Variants in MARCHF11 observed in about 807,000 individuals in gnomAD.
MARCHF11 encodes E3 ubiquitin-protein ligase MARCHF11.
MARCHF11 carries 29 observed loss-of-function variants against 37.3 expected under a neutral mutation model. The ratio of observed to expected loss-of-function variants is 0.78; its 90% confidence interval spans 0.58 to 1.06. The LOEUF (loss-of-function observed/expected upper bound fraction) is 1.06, where lower values mean the gene tolerates loss of function less well. MARCHF11 is among the 50% of genes least tolerant of loss of function. MARCHF11 has a pLI of 0.00. For missense variants in MARCHF11, 482 were observed against 533.4 expected, an observed-to-expected ratio of 0.90 and a Z score of 0.95; for synonymous variants, 233 against 228.0, an observed-to-expected ratio of 1.02 and a Z score of -0.20.
chr5:16,124,531 C>T (rs917141604), intron 2 of MARCHF11, among the ~76,000 whole-genome samples: 1 of 152,036 alleles, frequency 6.6e-6, no homozygotes, highest in Admixed American at 6.5e-5. Flanking sequence ...TTCTTCATTA[C>T]CCCAGGAGAA....
At position 16,179,042 on chromosome 5, in the gene MARCHF11, C is replaced by A; in HGVS notation, c.534G>T (p.Glu178Asp). Residue 178 changes from glutamate to aspartate, a missense_variant, in exon 1 of 4, where the codon GAG becomes GAT. Transcript: ENST00000332432. ...PICKICFQGAEQGELLNPCRC... is the reference protein window; with the variant it reads ...PICKICFQGADQGELLNPCRC... Reference sequence around the variant, plus strand: ...TCGGGGTCTCGCCGGGCCTTACCTGCTCCGCGCCCTGGAAGCAGATCTTGC... The same window carrying A: ...TCGGGGTCTCGCCGGGCCTTACCTGATCCGCGCCCTGGAAGCAGATCTTGC... 1.4e-6 allele frequency: 2 copies of A among 1,478,410 alleles called. No homozygotes were observed. The highest frequency in any genetic ancestry group is 1.3e-5 in the South Asian group (1 of 78,930). The allele number at this position is 1,478,410 out of a possible 1,614,324, so 91.6% of individuals were successfully genotyped here. A position where few individuals can be genotyped will look rare whatever the true frequency, so the allele number is the denominator to read the frequency against.
At chr5:16,143,820 A>G (rs1452943720) in intron 2 of MARCHF11, among the ~76,000 whole-genome samples, 1 of 152,222 alleles carries the variant, frequency 6.6e-6, no homozygotes, top group Admixed American at 6.5e-5. Flanking sequence ...TTACACCCCC[A>G]GAGAGAGACT....
At chr5:16,174,698 T>G (rs1738326377) in intron 2 of MARCHF11, among the ~76,000 whole-genome samples, 1 of 152,186 alleles carries the variant, frequency 6.6e-6, no homozygotes. Context: ...TAAGCTCCTT[T>G]AGTTCAGAGT....
chr5:16,085,794 T>C (rs906541070), intron 3 of MARCHF11, among the ~76,000 whole-genome samples: 12 of 151,190 alleles, frequency 7.9e-5, no homozygotes, highest in African/African-American at 2.9e-4. Flanking sequence ...CTACTAAAAA[T>C]ACAAAAAATT....
At chr5:16,086,846 A>C (rs1333604820) in intron 3 of MARCHF11, among the ~76,000 whole-genome samples, 1 of 152,224 alleles carries the variant, frequency 6.6e-6, no homozygotes, top group Non-Finnish European at 1.5e-5. Context: ...GGTCAATGGA[A>C]ATGATGGTCT....
chr5:16,178,954 G>C (rs1738412500), intron 1 of MARCHF11, 85 bp downstream of exon 1: 2 of 1,336,924 alleles, frequency 1.5e-6, no homozygotes. Flanking sequence ...CTGGGAGGTA[G>C]GCGTGCGCTG....
intron 2 of MARCHF11, among the ~76,000 whole-genome samples, chr5:16,128,249 T>C (rs1737450064): frequency 6.6e-6 from 1 of 152,192 alleles, no homozygotes; most frequent in African/African-American, 2.4e-5. Context: ...CTCCCTACTC[T>C]GACTCAAGGC....
intron 2 of MARCHF11, among the ~76,000 whole-genome samples, chr5:16,146,570 C>T (rs1737798629): frequency 6.6e-6 from 1 of 152,116 alleles, no homozygotes; most frequent in South Asian, 2.1e-4. Flanking sequence ...AATTCTATGA[C>T]CTTGGGAGTT....
chr5:16,089,063 A>G (rs1295031964), intron 3 of MARCHF11, among the ~76,000 whole-genome samples: 2 of 152,110 alleles, frequency 1.3e-5, no homozygotes, highest in African/African-American at 4.8e-5. Flanking sequence ...AAAATTTAAG[A>G]CATAATAACT....
At chr5:16,134,977 TTC>T (rs146251875) in intron 2 of MARCHF11, among the ~76,000 whole-genome samples, 4 of 143,104 alleles carry the variant, frequency 2.8e-5, no homozygotes, top group African/African-American at 5.3e-5. Flanking sequence ...TATGAGTGAT[TTC>T]TCTCTCTCTC....
In MARCHF11 at chr5:16,091,066, T is replaced by C. The variant is rs756965359; in HGVS notation, c.709A>G (p.Ile237Val). Residue 237 changes from isoleucine (I) to valine (V), a missense_variant, in exon 3 of 4, where the codon ATA becomes GTA. Ile to Val is a conservative substitution (Grantham distance 29, BLOSUM62 3). Transcript: ENST00000332432. ...KQPCQWQSIS[I>V]TLVEKVQMIA... is the part of the protein sequence containing the mutation. ...ATCTGAACTTTCTCAACCAGTGTTA[T>C]AGAAATGCTCTGCCACTAAAAGAAA... 2.7e-5 allele frequency: 43 copies of C among 1,591,990 alleles called. No homozygotes were observed. The highest frequency in any genetic ancestry group is 1.7e-4 in the Middle Eastern group (1 of 6,044).
chr5:16,160,344 T>TTA (rs1257981271), intron 2 of MARCHF11, among the ~76,000 whole-genome samples: 3 of 145,148 alleles, frequency 2.1e-5, no homozygotes, highest in African/African-American at 7.5e-5. Flanking sequence ...AATATATTAA[T>TTA]TATATATTAA....
At chr5:16,129,936 C>T (rs559793042) in intron 2 of MARCHF11, among the ~76,000 whole-genome samples, 15 of 152,082 alleles carry the variant, frequency 9.9e-5, no homozygotes, top group African/African-American at 3.4e-4. Context: ...AATTTTAAAA[C>T]GAGGAAGGAG....
intron 2 of MARCHF11, among the ~76,000 whole-genome samples, chr5:16,108,859 T>C (rs555339741): frequency 1.2e-4 from 18 of 152,126 alleles, no homozygotes; most frequent in Non-Finnish European, 2.1e-4. Context: ...GAGTGCTTTA[T>C]GGAGACAACA....
At chr5:16,075,807 A>C (rs1162636972) in intron 3 of MARCHF11, among the ~76,000 whole-genome samples, 2 of 152,182 alleles carry the variant, frequency 1.3e-5, no homozygotes, top group African/African-American at 4.8e-5. Context: ...ATAGTTCACG[A>C]GTGGGTTTTG....
At chr5:16,086,439 G>C (rs1359227412) in intron 3 of MARCHF11, among the ~76,000 whole-genome samples, 2 of 152,134 alleles carry the variant, frequency 1.3e-5, no homozygotes, top group Non-Finnish European at 2.9e-5. Context: ...GGACAATTAG[G>C]AAAAATTTTA....
intron 2 of MARCHF11, among the ~76,000 whole-genome samples, chr5:16,143,672 T>G (rs1333736119): frequency 1.3e-5 from 2 of 152,270 alleles, no homozygotes; most frequent in African/African-American, 4.8e-5. Context: ...TCTGTCTTTC[T>G]GCCTAAACCA....
rs1738441979 is a variant in MARCHF11 at position 16,179,669 on chromosome 5, G to A, written c.-94C>T. On this transcript the variant is annotated 5_prime_UTR_variant, in exon 1 of 4. Coordinates refer to ENST00000332432, the MANE Select transcript of MARCHF11 (RefSeq NM_001102562.3). Reference sequence around the variant, plus strand: ...CGCGGAGGGGGCGGGAGGGAGAGGGGAAAAGGAGGGAGGGGGCCCGGACGC... The same window carrying A: ...CGCGGAGGGGGCGGGAGGGAGAGGGAAAAAGGAGGGAGGGGGCCCGGACGC... 7.4e-6 allele frequency: 4 copies of A among 537,110 alleles called. No homozygotes were observed. The highest frequency in any genetic ancestry group is 1.4e-4 in the Admixed American group (2 of 14,524). 33.3% of individuals were successfully genotyped at this position (537,110 alleles called of 1,614,324 possible). A position where few individuals can be genotyped will look rare whatever the true frequency, so the allele number is the denominator to read the frequency against.
chr5:16,072,986 C>T (rs1393627768), intron 3 of MARCHF11, among the ~76,000 whole-genome samples: 2 of 152,156 alleles, frequency 1.3e-5, no homozygotes, highest in Non-Finnish European at 2.9e-5. Context: ...AACTCCAGAA[C>T]TTAATTTACT....
Sources: allele counts gnomAD v4.1 joint callset (sites outside exome capture counted in the v4.1 genomes callset), GRCh38; gene constraint gnomAD v4.1.1; transcripts MANE v1.5; gene names NCBI Gene and HGNC (gene_info 2026-07-23, HGNC 2026-07-21).